Variants in ADGB observed in about 807,000 individuals in gnomAD.
ADGB encodes the protein androglobin.
ADGB carries 172 observed loss-of-function variants against 210.5 expected under a neutral mutation model. The ratio of observed to expected loss-of-function variants is 0.82; its 90% CI spans 0.72 to 0.93. The LOEUF is 0.93. Among genes scored for constraint, ADGB ranks in the 40% least tolerant of loss-of-function variants. ADGB has a pLI of 0.00. For synonymous variants in ADGB, 658 were observed against 662.7 expected (o/e 0.99, Z 0.11); for missense variants, 2,025 against 1,964.8 (o/e 1.03, Z -0.58).
intron 13 of ADGB, 145 bp from the exon 14 acceptor site, chr6:146,715,237 T>A (rs76642448): frequency 9.1e-6 from 6 of 661,374 alleles, no homozygotes; most frequent in South Asian, 9.0e-5. Flanking sequence ...TAAAAACAAA[T>A]TTTTTTGGTA....
At chr6:146,662,903 C>T (rs1775881704) in intron 5 of ADGB, among the ~76,000 whole-genome samples, 3 of 147,588 alleles carry the variant, frequency 2.0e-5, no homozygotes, top group South Asian at 2.1e-4. Context: ...GACTTCATTC[C>T]ACAATCTTCT....
At chr6:146,795,951 A>G (rs1001869902) in intron 33 of ADGB, among the ~76,000 whole-genome samples, 1 of 152,136 alleles carries the variant, frequency 6.6e-6, no homozygotes, top group African/African-American at 2.4e-5. Context: ...AGAAAACCCT[A>G]AAGACTCATC....
At chr6:146,801,807 T>G (rs905392108) in intron 34 of ADGB, 21 bp from the exon 35 acceptor site, 6 of 1,518,074 alleles carry the variant, frequency 4.0e-6, no homozygotes, top group African/African-American at 1.4e-5. Context: ...ATCTGTATCT[T>G]TTGATGACTT....
chr6:146,676,443 TA>T lies in ADGB; in HGVS notation c.1216+4del. 7.2e-7 allele frequency: 1 copy of T among 1,388,182 alleles called. No individual in the cohort carries two copies. Among genetic ancestry groups the T allele is most frequent in the South Asian group, 1.8e-5 (1 of 55,254 alleles). The allele number at this position is 1,388,182 out of a possible 1,614,324, so 86.0% of individuals were successfully genotyped here. On this transcript the variant is annotated splice_donor_region_variant and intron_variant, in intron 9 of 35. Transcript: ENST00000397944. Reference sequence around the variant, plus strand: ...ACTCTGTGCAGTCCCTATCAGATTGTAAGCTCCTAATTTCTTAGAATAATAA... The same window carrying T: ...ACTCTGTGCAGTCCCTATCAGATTGTAGCTCCTAATTTCTTAGAATAATAA...
chr6:146,653,341 A>G (rs996956817), intron 3 of ADGB, among the ~76,000 whole-genome samples: 6 of 151,986 alleles, frequency 3.9e-5, no homozygotes, highest in African/African-American at 1.5e-4. Flanking sequence ...ATCATCCCCA[A>G]ACCACCCCCA....
chr6:146,815,177 C>A lies in ADGB; in HGVS notation c.4964C>A (p.Ala1655Asp). The part of the protein sequence containing the change: ...MKLETEKMTP[A>D]PDTQKKKKGK... ...CTGGAGACAGAAAAGATGACCCCAG[C>A]TCCTGACACACAGAAAAAAAAGAAA... The change falls in exon 36 of 36, where the codon GCT becomes GAT. Residue 1655 changes from alanine to aspartate, a missense_variant. By Grantham distance (126) the Ala-to-Asp change is moderately radical. Transcript: ENST00000397944. 3 of 1,515,892 alleles carry A rather than the reference C, an allele frequency of 2.0e-6. No individual in the cohort carries two copies. Among genetic ancestry groups the A allele is most frequent in the Non-Finnish European group, 2.6e-6 (3 of 1,138,134 alleles). The allele number at this position is 1,515,892 out of a possible 1,614,324, so 93.9% of individuals were successfully genotyped here.
At chr6:146,712,468 T>G (rs538290801) in intron 13 of ADGB, among the ~76,000 whole-genome samples, 2 of 152,190 alleles carry the variant, frequency 1.3e-5, no homozygotes, top group African/African-American at 4.8e-5. Flanking sequence ...ATTACAGGTG[T>G]GAGCCACCAT....
At chr6:146,667,450 G>A (rs1377140009) in intron 7 of ADGB, among the ~76,000 whole-genome samples, 2 of 151,916 alleles carry the variant, frequency 1.3e-5, no homozygotes, top group Non-Finnish European at 2.9e-5. Flanking sequence ...CTTGGTTTTT[G>A]TAAATCTATA....
In ADGB at chr6:146,785,614, C is replaced by A; in HGVS notation, c.4217C>A (p.Ser1406Tyr). The change falls in exon 32 of 36, where the codon TCT (serine) becomes TAT (tyrosine). Residue 1406 changes from serine (S) to tyrosine (Y), a missense_variant. Coordinates refer to ENST00000397944, the MANE Select transcript of ADGB (RefSeq NM_024694.4). Reference protein sequence around the residue: ...TTEPGRAIKASQARLHYLSGF... With the variant: ...TTEPGRAIKAYQARLHYLSGF... ...CTGCTCATGTTTGTTTTTTAGGCTT[C>A]TCAGGCTCGTTTGCATTACCTTAGC... 1 of 1,549,866 alleles carries A rather than the reference C, an allele frequency of 6.5e-7. No individual in the cohort carries two copies. Among genetic ancestry groups the A allele is most frequent in the South Asian group, 1.2e-5 (1 of 83,938 alleles).
chr6:146,687,459 C>T (rs1422108379), intron 10 of ADGB, among the ~76,000 whole-genome samples: 2 of 152,064 alleles, frequency 1.3e-5, no homozygotes, highest in African/African-American at 4.8e-5. Flanking sequence ...GAATACTACG[C>T]AGCCATAAAA....
chr6:146,784,731 G>C lies in ADGB; in HGVS notation c.4149G>C (p.Arg1383Ser). The change falls in exon 31 of 36, where the codon AGG becomes AGC. Residue 1383 changes from arginine (R) to serine (S), a missense_variant. Physicochemically the swap from Arg to Ser is moderately radical, Grantham distance 110. Coordinates refer to ENST00000397944, the MANE Select transcript of ADGB (RefSeq NM_024694.4). ...ELFEVKKDTE[R>S]ADEIRAMKQA... ...TTGAAGTGAAAAAGGATACAGAAAG[G>C]GCAGATGAAATCCGAGCCATGAAAC... is the stretch of plus-strand genomic sequence containing the variant. 2 of 1,550,986 alleles carry C rather than the reference G, an allele frequency of 1.3e-6. No individual in the cohort carries two copies. The highest frequency in any genetic ancestry group is 3.9e-5 in the Admixed American group (2 of 50,952).
In ADGB at chr6:146,649,961, C is replaced by A. The variant is rs564558060; in HGVS notation, c.331-4174C>A. ...ATACATATACCTAAACATATCTAAA[C>A]GTGTATATGTATTATATATGTACAC... On this transcript the variant is annotated intron_variant, in intron 3 of 35. Transcript: ENST00000397944. Among the ~76,000 whole-genome samples, 8 of 152,190 alleles carry A rather than the reference C, an allele frequency of 5.3e-5. No homozygotes were observed. In the South Asian group the frequency reaches 1.7e-3, roughly 32 times the overall value.
At chr6:146,663,602 C>T (rs753997415) in intron 5 of ADGB, among the ~76,000 whole-genome samples, 32 of 152,008 alleles carry the variant, frequency 2.1e-4, no homozygotes, top group Admixed American at 3.9e-4. Flanking sequence ...GACACATGCA[C>T]GCAAACGTAT....
intron 10 of ADGB, among the ~76,000 whole-genome samples, chr6:146,689,497 A>T (rs189078913): frequency 1.6e-4 from 24 of 152,206 alleles, no homozygotes; most frequent in African/African-American, 5.3e-4. Flanking sequence ...TGTTGTTTGG[A>T]CCAGTCCTTT....
At chr6:146,648,017 C>T (rs1775647161) in intron 3 of ADGB, among the ~76,000 whole-genome samples, 1 of 151,958 alleles carries the variant, frequency 6.6e-6, no homozygotes, top group Non-Finnish European at 1.5e-5. Context: ...TGAACATTGT[C>T]ACAACTTACA....
chr6:146,671,564 A>G (rs1401313289), intron 7 of ADGB, among the ~76,000 whole-genome samples: 1 of 152,132 alleles, frequency 6.6e-6, no homozygotes, highest in East Asian at 1.9e-4. Context: ...TCTGGATATC[A>G]GGAGAGAGGT....
chr6:146,798,840 CAA>C (rs907873263), intron 33 of ADGB, among the ~76,000 whole-genome samples: 5 of 151,524 alleles, frequency 3.3e-5, no homozygotes, highest in African/African-American at 1.2e-4. Context: ...TAAATTTAAC[CAA>C]GTGTAGAATT....
At chr6:146,691,685 G>A (rs1449848245) in intron 11 of ADGB, among the ~76,000 whole-genome samples, 1 of 147,840 alleles carries the variant, frequency 6.8e-6, no homozygotes, top group Admixed American at 6.8e-5. Context: ...TGTCTTTAAA[G>A]GATTAATTCT....
intron 10 of ADGB, 145 bp from the exon 11 acceptor site, chr6:146,690,971 G>A: frequency 2.1e-6 from 1 of 487,246 alleles, no homozygotes; most frequent in South Asian, 7.4e-5. Context: ...TGATAATAAT[G>A]CTTATATTAA....
Sources: gnomAD v4.1 joint callset for allele counts (sites outside exome capture counted in the v4.1 genomes callset) on GRCh38, gnomAD v4.1.1 for gene constraint, MANE v1.5 for transcripts, NCBI Gene and HGNC (gene_info 2026-07-23, HGNC 2026-07-21) for gene names.